The following ANKRD36C variants were observed in gnomAD, a reference collection of about 807,000 sequenced individuals.
ANKRD36C encodes the protein ankyrin repeat domain-containing protein 36C.
ANKRD36C carries 61 observed loss-of-function variants against 276.4 expected under a neutral mutation model. The ratio of observed to expected loss-of-function variants is 0.22; its 90% CI spans 0.18 to 0.27. The LOEUF (loss-of-function observed/expected upper bound fraction) is 0.27, where lower values mean the gene tolerates loss of function less well. Among genes scored for constraint, ANKRD36C ranks in the 10% least tolerant of loss-of-function variants. The probability of loss-of-function intolerance (pLI) is 1.00; values close to 1 mark genes in which losing one functional copy is unlikely to be tolerated. For missense variants in ANKRD36C, 1,447 were observed against 2,032.3 expected (o/e 0.71, Z 5.54); for synonymous variants, 483 against 680.1 (o/e 0.71, Z 4.51).
At chr2:95,919,036 A>T (rs1677194487) in intron 34 of ANKRD36C, among the ~76,000 whole-genome samples, 1 of 134,746 alleles carries the variant, frequency 7.4e-6, no homozygotes, top group South Asian at 2.3e-4. Context: ...TCAACAAAAC[A>T]TGTATCTCTG....
At chr2:95,885,461 A>G (rs1676177678) in intron 52 of ANKRD36C, among the ~76,000 whole-genome samples, 1 of 151,484 alleles carries the variant, frequency 6.6e-6, no homozygotes, top group African/African-American at 2.4e-5. Flanking sequence ...TGGAGAAGCC[A>G]AAATTTAATA....
intron 6 of ANKRD36C, among the ~76,000 whole-genome samples, chr2:95,969,234 T>A (rs1361351300): frequency 6.6e-6 from 1 of 152,206 alleles, no homozygotes; most frequent in African/African-American, 2.4e-5. Flanking sequence ...TGAAGCCATC[T>A]GGAGGCTGCC....
At chr2:95,901,986 A>G (rs1005790707) in intron 42 of ANKRD36C, among the ~76,000 whole-genome samples, 56 of 147,534 alleles carry the variant, frequency 3.8e-4, no homozygotes, top group Non-Finnish European at 7.1e-4. Context: ...TTCAGAAATC[A>G]CTGCAATATT....
intron 42 of ANKRD36C, among the ~76,000 whole-genome samples, chr2:95,908,273 A>G (rs1281276119): frequency 6.7e-6 from 1 of 150,318 alleles, no homozygotes; most frequent in African/African-American, 2.4e-5. Flanking sequence ...ACTGCTCTCC[A>G]TATTTCTTCT....
At chr2:95,898,153 A>G (rs1032499679) in intron 44 of ANKRD36C, among the ~76,000 whole-genome samples, 8 of 149,630 alleles carry the variant, frequency 5.3e-5, no homozygotes, top group Admixed American at 2.0e-4. Flanking sequence ...TAGCCTCAAT[A>G]AAAATATCAT....
chr2:95,981,465 G>T (rs975130043), intron 4 of ANKRD36C, among the ~76,000 whole-genome samples: 1 of 144,658 alleles, frequency 6.9e-6, no homozygotes. Context: ...AATATATATT[G>T]TATATATTAT....
chr2:95,974,735 G>A (rs1224587923), intron 6 of ANKRD36C, among the ~76,000 whole-genome samples: 1 of 151,636 alleles, frequency 6.6e-6, no homozygotes, highest in Non-Finnish European at 1.5e-5. Flanking sequence ...CATGTGCCAT[G>A]TTGGTGTGCT....
Position 95,985,041 on chromosome 2 carries a change from C to T in ANKRD36C, c.486+1710G>A, listed in dbSNP as rs563302769. On this transcript the variant is annotated intron_variant, in intron 3 of 66. Coordinates refer to ENST00000456556, the Ensembl canonical transcript of ANKRD36C. Reference sequence around the variant, plus strand: ...TTTTTTACTATTGTAATTGAGAGAACCCCGCTTTTAATAATGATGTATTGA... The same window carrying T: ...TTTTTTACTATTGTAATTGAGAGAATCCCGCTTTTAATAATGATGTATTGA... 1.1e-4 allele frequency among the ~76,000 whole-genome samples: 17 copies of T among 152,228 alleles called. No individual in the cohort carries two copies. The South Asian group carries it at 3.3e-3, about 30-fold the overall frequency.
chr2:95,912,235 C>T lies in ANKRD36C; in HGVS notation c.2653+9G>A. ...TGCACATGACATTAAATGTGTTTTG[C>T]AAAATTACCTGTCCTAGATGTTTCT... is the stretch of plus-strand genomic sequence containing the variant. On this transcript the variant is annotated intron_variant, in intron 42 of 66. Coordinates refer to ENST00000456556, the Ensembl canonical transcript of ANKRD36C. The T allele has an allele frequency of 1.3e-6, 2 of 1,545,600 alleles. No individual in the cohort carries two copies. The highest frequency in any genetic ancestry group is 1.2e-5 in the South Asian group (1 of 84,122).
chr2:95,924,625 G>A (rs1157662947), intron 30 of ANKRD36C, among the ~76,000 whole-genome samples: 3 of 151,668 alleles, frequency 2.0e-5, no homozygotes, highest in South Asian at 2.1e-4. Context: ...TAATATAGTC[G>A]TATTAAATTT....
At chr2:95,883,696 C>T (rs1676136784) in intron 54 of ANKRD36C, among the ~76,000 whole-genome samples, 3 of 152,054 alleles carry the variant, frequency 2.0e-5, no homozygotes, top group Non-Finnish European at 4.4e-5. Context: ...TATTTTCCCT[C>T]CTTTCTGCCT....
chr2:95,959,857 T>C (rs924129771), intron 10 of ANKRD36C, among the ~76,000 whole-genome samples: 1 of 152,174 alleles, frequency 6.6e-6, no homozygotes, highest in Non-Finnish European at 1.5e-5. Context: ...TAGCACTCTA[T>C]CCTGCTTCCA....
chr2:95,902,825 C>T (rs1411830211), intron 42 of ANKRD36C, 61 bp downstream of exon 54: 25 of 1,452,210 alleles, frequency 1.7e-5, no homozygotes, highest in Admixed American at 1.1e-4. Flanking sequence ...GATTTATTCA[C>T]GGAAGAGAAT....
At chr2:95,860,972 TAGC>T (rs1675563928) in intron 60 of ANKRD36C, among the ~76,000 whole-genome samples, 1 of 152,008 alleles carries the variant, frequency 6.6e-6, no homozygotes, top group African/African-American at 2.4e-5. Flanking sequence ...TAAAGAAAAT[TAGC>T]AGAAACGATG....
chr2:95,894,043 C>T (rs1010492501), intron 44 of ANKRD36C, among the ~76,000 whole-genome samples: 66 of 151,498 alleles, frequency 4.4e-4, no homozygotes, highest in Non-Finnish European at 8.6e-4. Context: ...AGAGGAGCAA[C>T]TCACACACCT....
Position 95,948,550 on chromosome 2 carries a change from T to C in ANKRD36C, c.1342A>G (p.Lys448Glu), listed in dbSNP as rs545166391. 271 of 1,535,710 alleles carry C rather than the reference T, an allele frequency of 1.8e-4. 5 individuals carry two copies. In the South Asian group the frequency reaches 3.0e-3, roughly 17 times the overall value. Residue 448 changes from lysine to glutamate, a missense_variant, in exon 17 of 67, where the codon AAG (lysine) becomes GAG (glutamate). This residue lies in a region of ANKRD36C where 24 missense variants were observed against 21.8 expected (regional missense o/e 1.10). Transcript: ENST00000456556. The stretch of plus-strand genomic sequence containing the variant: ...TCTACCTCAGATTCCAAAGCAAACT[T>C]ATCCTTTGTCACAGCCTGTGCAAAA...
chr2:95,970,691 C>T (rs1019337345), intron 6 of ANKRD36C, among the ~76,000 whole-genome samples: 4 of 152,132 alleles, frequency 2.6e-5, no homozygotes, highest in African/African-American at 9.7e-5. Flanking sequence ...AGACTGTTTT[C>T]AAAGTGATCC....
At chr2:95,860,613 A>G (rs1410788468) in intron 60 of ANKRD36C, among the ~76,000 whole-genome samples, 1 of 152,236 alleles carries the variant, frequency 6.6e-6, no homozygotes, top group Non-Finnish European at 1.5e-5. Context: ...TTTTCAACAC[A>G]GTGGACTTCA....
chr2:95,930,520 C>T (rs894359350), intron 24 of ANKRD36C, among the ~76,000 whole-genome samples: 4 of 151,556 alleles, frequency 2.6e-5, no homozygotes, highest in East Asian at 1.9e-4. Flanking sequence ...ACTGTCTCTT[C>T]GTCCACTTTT....
Sources: allele counts gnomAD v4.1 joint callset (sites outside exome capture counted in the v4.1 genomes callset), GRCh38; gene constraint gnomAD v4.1.1; regional missense constraint gnomAD v4.1.1; transcripts MANE v1.5; gene names NCBI Gene and HGNC (gene_info 2026-07-23, HGNC 2026-07-21).